The following DLC1 variants were observed in gnomAD, a reference collection of about 807,000 sequenced individuals.
The protein encoded by DLC1 is rho GTPase-activating protein 7.
A neutral mutation model predicts 140.3 loss-of-function variants in DLC1; 54 were observed. The observed-to-expected ratio is 0.38, with a 90% CI of 0.31 to 0.48. The LOEUF (loss-of-function observed/expected upper bound fraction) is 0.48, where lower values mean the gene tolerates loss of function less well. DLC1 is among the 20% of genes least tolerant of loss of function. The pLI, the probability that DLC1 is intolerant of heterozygous loss-of-function variation, is 0.96. For synonymous variants in DLC1, 986 were observed against 728.1 expected (o/e 1.35, Z -5.70); for missense variants, 2,536 against 1,907.0 (o/e 1.33, Z -6.14).
At chr8:13,224,477 T>C (rs1328822141) in intron 5 of DLC1, among the ~76,000 whole-genome samples, 1 of 152,012 alleles carries the variant, frequency 6.6e-6, no homozygotes, top group African/African-American at 2.4e-5. Context: ...TCTGGAAAAA[T>C]ATACATGATT....
intron 5 of DLC1, among the ~76,000 whole-genome samples, chr8:13,122,388 C>T (rs2128956120): frequency 6.6e-6 from 1 of 152,266 alleles, no homozygotes; most frequent in Non-Finnish European, 1.5e-5. Context: ...ATGAATTACC[C>T]CTTCTTCACT....
intron 1 of DLC1, among the ~76,000 whole-genome samples, chr8:13,547,019 A>G (rs1401519227): frequency 6.6e-6 from 1 of 152,122 alleles, no homozygotes; most frequent in Non-Finnish European, 1.5e-5. Context: ...TCTATGATAT[A>G]AAATTCCTGA....
intron 5 of DLC1, among the ~76,000 whole-genome samples, chr8:13,294,703 T>C (rs7826507): frequency 0.032 from 4,854 of 152,230 alleles, 128 homozygotes; most frequent in African/African-American, 0.073. Context: ...AAAAAATTTA[T>C]TCATCAGCCT....
intron 4 of DLC1, among the ~76,000 whole-genome samples, chr8:13,307,394 A>G (rs1260524357): frequency 1.3e-5 from 2 of 152,198 alleles, no homozygotes; most frequent in East Asian, 1.9e-4. Context: ...CTCTGATTCA[A>G]TACTAGAGGA....
At chr8:13,593,796 G>GA (rs1357587156) in intron 1 of DLC1, among the ~76,000 whole-genome samples, 9 of 152,066 alleles carry the variant, frequency 5.9e-5, no homozygotes, top group African/African-American at 2.2e-4. Flanking sequence ...AGGAAATTAG[G>GA]AAATCAATTT....
chr8:13,516,577 G>C (rs571034043), upstream of DLC1, among the ~76,000 whole-genome samples: 2 of 152,252 alleles, frequency 1.3e-5, no homozygotes, highest in East Asian at 3.9e-4. Context: ...TACTGTGCAT[G>C]AGTTTGAAGA....
chr8:13,155,117 C>G (rs908834014), intron 5 of DLC1, among the ~76,000 whole-genome samples: 1 of 143,550 alleles, frequency 7.0e-6, no homozygotes, highest in African/African-American at 2.5e-5. Context: ...TGCAAACTTT[C>G]TACAACTTGC....
intron 1 of DLC1, among the ~76,000 whole-genome samples, chr8:13,502,827 A>T (rs1801882507): frequency 6.6e-6 from 1 of 152,142 alleles, no homozygotes; most frequent in African/African-American, 2.4e-5. Flanking sequence ...GAGGATTTGG[A>T]TGGAGGATCT....
chr8:13,270,538 A>T (rs1395691027), intron 5 of DLC1, among the ~76,000 whole-genome samples: 1 of 152,154 alleles, frequency 6.6e-6, no homozygotes, highest in Non-Finnish European at 1.5e-5. Context: ...AAACTTTCAG[A>T]TATCGTATAT....
chr8:13,207,682 G>A (rs1194808902), intron 5 of DLC1, among the ~76,000 whole-genome samples: 2 of 152,114 alleles, frequency 1.3e-5, no homozygotes, highest in Non-Finnish European at 2.9e-5. Flanking sequence ...CAGTTGGAGT[G>A]ATCTTTCTCC....
intron 2 of DLC1, among the ~76,000 whole-genome samples, chr8:13,461,646 G>A (rs895388312): frequency 1.8e-4 from 27 of 152,104 alleles, no homozygotes; most frequent in African/African-American, 6.5e-4. Flanking sequence ...TTTATTATTA[G>A]TTTCAAATTA....
At chr8:13,355,233 C>G (rs117338356) in intron 4 of DLC1, among the ~76,000 whole-genome samples, 2,562 of 152,126 alleles carry the variant, frequency 0.017, 35 homozygotes, top group South Asian at 0.059. Flanking sequence ...CACCTGTAAT[C>G]CCAACACCTA....
chr8:13,599,928 A>G (rs1432802917), intron 1 of DLC1, among the ~76,000 whole-genome samples: 1 of 152,026 alleles, frequency 6.6e-6, no homozygotes, highest in Admixed American at 6.6e-5. Flanking sequence ...TGTATGAGGT[A>G]TGGACCTATT....
intron 13 of DLC1, 39 bp downstream of exon 13, chr8:13,092,573 C>G (rs773502413): frequency 6.3e-7 from 1 of 1,581,192 alleles, no homozygotes; most frequent in East Asian, 2.4e-5. Context: ...AGAATGTAGG[C>G]TGCCCCCTGT....
intron 4 of DLC1, among the ~76,000 whole-genome samples, chr8:13,316,375 A>G (rs1251103634): frequency 1.3e-5 from 2 of 152,204 alleles, no homozygotes; most frequent in Admixed American, 6.5e-5. Context: ...ATTGTATTGT[A>G]TAAAGCTACA....
At chr8:13,414,720 G>A (rs556105638) in intron 2 of DLC1, among the ~76,000 whole-genome samples, 1 of 152,278 alleles carries the variant, frequency 6.6e-6, no homozygotes, top group South Asian at 2.1e-4. Flanking sequence ...GTGAGTTAAA[G>A]CAAACATTCA....
Position 13,411,523 on chromosome 8 carries a change from C to T in DLC1, c.1024-9904G>A, listed in dbSNP as rs560304881. Among the ~76,000 whole-genome samples the T allele has an allele frequency of 2.6e-5, 4 of 152,266 alleles. No homozygotes were observed. The South Asian group carries it at 8.3e-4, about 32-fold the overall frequency. On this transcript the variant is annotated intron_variant, in intron 2 of 17. Transcript: ENST00000276297. Reference sequence around the variant, plus strand: ...TAGAATGTACAACACCAATAGTAGACACTGATGTAAACTATGAACTTTGAG... The same window carrying T: ...TAGAATGTACAACACCAATAGTAGATACTGATGTAAACTATGAACTTTGAG...
chr8:13,115,852 A>G (rs564813555), intron 5 of DLC1, among the ~76,000 whole-genome samples, 195 bp from the exon 6 acceptor site: 1 of 152,194 alleles, frequency 6.6e-6, no homozygotes, highest in Non-Finnish European at 1.5e-5. Flanking sequence ...TCACGTGTAC[A>G]TGAGGATGTA....
intron 5 of DLC1, among the ~76,000 whole-genome samples, chr8:13,287,875 T>C (rs1450480686): frequency 2.0e-5 from 3 of 151,824 alleles, no homozygotes; most frequent in Non-Finnish European, 4.4e-5. Context: ...ATTTTCCTTT[T>C]ATCTAGCTTT....
Sources: gnomAD v4.1 joint callset for allele counts (sites outside exome capture counted in the v4.1 genomes callset) on GRCh38, gnomAD v4.1.1 for gene constraint, MANE v1.5 for transcripts, NCBI Gene and HGNC (gene_info 2026-07-23, HGNC 2026-07-21) for gene names.